TBX19: variants seen among roughly 807,000 people sequenced by gnomAD.
TBX19 encodes T-box transcription factor TBX19.
In TBX19, 33 loss-of-function variants were observed where a neutral mutation model predicts 40.9. The ratio of observed to expected loss-of-function variants is 0.81; its 90% confidence interval spans 0.61 to 1.08. TBX19 has a LOEUF of 1.08. Ranked by LOEUF, TBX19 falls within the 50% of genes least tolerant of loss-of-function variation. The pLI is 0.00. For synonymous variants in TBX19, 220 were observed against 225.0 expected, an observed-to-expected ratio of 0.98 and a Z score of 0.20; for missense variants, 494 against 574.0, an observed-to-expected ratio of 0.86 and a Z score of 1.42.
At chr1:168,304,597 G>T (rs1291558430) in intron 5 of TBX19, among the ~76,000 whole-genome samples, 2 of 152,174 alleles carry the variant, frequency 1.3e-5, no homozygotes, top group Non-Finnish European at 2.9e-5. Context: ...CTCCTAGCCT[G>T]GTAGTCTTTC....
chr1:168,305,239 G>A (rs377650138), intron 6 of TBX19, 43 bp downstream of exon 6: 1 of 1,595,032 alleles, frequency 6.3e-7, no homozygotes, highest in Non-Finnish European at 8.5e-7. Context: ...ATGGGCTGGG[G>A]TGGGGGCAGT....
chr1:168,284,559 G>A (rs1648755981), intron 1 of TBX19, among the ~76,000 whole-genome samples: 1 of 151,884 alleles, frequency 6.6e-6, no homozygotes, highest in African/African-American at 2.4e-5. Flanking sequence ...TTGATCACTT[G>A]AGCTCAGAAG....
Position 168,313,077 on chromosome 1 carries a change from A to G in TBX19, c.*75A>G, listed in dbSNP as rs1490886658. ...GCTTAGAAACCCCATCAACTGATCTAGTGAGTCAGACTGTGGAATCTCCCT... is the reference window on the plus strand; with the variant it reads ...GCTTAGAAACCCCATCAACTGATCTGGTGAGTCAGACTGTGGAATCTCCCT... On this transcript the variant is annotated 3_prime_UTR_variant, in exon 8 of 8. Coordinates refer to ENST00000367821, the MANE Select transcript of TBX19 (RefSeq NM_005149.3). 1 of 1,566,446 alleles carries G rather than the reference A, an allele frequency of 6.4e-7. No homozygotes were observed. Among genetic ancestry groups the G allele is most frequent in the Non-Finnish European group, 8.8e-7 (1 of 1,139,954 alleles).
chr1:168,299,552 T>C (rs1211406505), intron 4 of TBX19, among the ~76,000 whole-genome samples: 1 of 152,128 alleles, frequency 6.6e-6, no homozygotes, highest in East Asian at 1.9e-4. Context: ...TATAGCTCAT[T>C]GCAGCCTTAA....
At chr1:168,291,041 G>A in intron 1 of TBX19, 119 bp from the exon 2 acceptor site, 5 of 1,363,160 alleles carry the variant, frequency 3.7e-6, no homozygotes, top group Non-Finnish European at 4.2e-6. Flanking sequence ...CTTGGGCCCT[G>A]TTTATTTGGC....
chr1:168,304,322 A>G (rs891054862), intron 5 of TBX19, among the ~76,000 whole-genome samples: 2 of 152,042 alleles, frequency 1.3e-5, no homozygotes, highest in Admixed American at 1.3e-4. Flanking sequence ...TGGATCAGAG[A>G]TGAAATCACA....
At chr1:168,308,617 A>G (rs945651967) in intron 6 of TBX19, 125 bp from the exon 7 acceptor site, 90 of 1,205,522 alleles carry the variant, frequency 7.5e-5, no homozygotes, top group Non-Finnish European at 1.1e-4. Context: ...CTGAGAAAGA[A>G]CTAACAAACT....
chr1:168,304,880 G>T (rs1649361737), intron 5 of TBX19, 128 bp from the exon 6 acceptor site: 2 of 954,992 alleles, frequency 2.1e-6, no homozygotes, highest in Non-Finnish European at 3.3e-6. Context: ...ACACAGGCTG[G>T]CACCATCACA....
intron 1 of TBX19, among the ~76,000 whole-genome samples, chr1:168,281,935 AT>A (rs1648664730): frequency 6.6e-6 from 1 of 152,206 alleles, no homozygotes; most frequent in Non-Finnish European, 1.5e-5. Context: ...AGTGCAACAA[AT>A]TTAGGGATTA....
At chr1:168,283,837 G>A (rs973252487) in intron 1 of TBX19, among the ~76,000 whole-genome samples, 19 of 152,184 alleles carry the variant, frequency 1.2e-4, no homozygotes, top group South Asian at 4.1e-4. Context: ...ATCATTTGGG[G>A]TGGTAACTCC....
chr1:168,301,797 G>A (rs1331604066), intron 5 of TBX19, among the ~76,000 whole-genome samples: 1 of 152,176 alleles, frequency 6.6e-6, no homozygotes, highest in Non-Finnish European at 1.5e-5. Context: ...GTTATATATT[G>A]TTCTTTGTAT....
In TBX19 at chr1:168,309,143, CAGGTGGATCACCTG is replaced by C. The variant is rs1649470000; in HGVS notation, c.1052+271_1052+284del. On this transcript the variant is annotated intron_variant, in intron 7 of 7. Transcript: ENST00000367821. ...ATCCCAGCACTTTGGGAGGCCAAGG[CAGGTGGATCACCTG>C]AGGTCAGCAGTTCCAGACCAGCCTG... Among the ~76,000 whole-genome samples, 5 of 152,150 alleles carry C rather than the reference CAGGTGGATCACCTG, an allele frequency of 3.3e-5. No homozygotes were observed. In the South Asian group the frequency reaches 1.0e-3, roughly 32 times the overall value.
At chr1:168,285,294 CA>C (rs1558188876) in intron 1 of TBX19, among the ~76,000 whole-genome samples, 13 of 150,846 alleles carry the variant, frequency 8.6e-5, no homozygotes, top group South Asian at 2.1e-4. Context: ...CACACACACA[CA>C]CACACCCCTC....
intron 3 of TBX19, among the ~76,000 whole-genome samples, chr1:168,295,254 G>T (rs1649072468): frequency 6.6e-6 from 1 of 151,912 alleles, no homozygotes; most frequent in African/African-American, 2.4e-5. Flanking sequence ...TTGCGCCACT[G>T]CACTCCATCC....
intron 3 of TBX19, among the ~76,000 whole-genome samples, chr1:168,296,504 C>T (rs903245148): frequency 2.0e-5 from 3 of 152,132 alleles, no homozygotes; most frequent in Non-Finnish European, 4.4e-5. Context: ...ATAAAACCAT[C>T]AGATCTCGTG....
chr1:168,293,436 A>G (rs867638880), intron 3 of TBX19, among the ~76,000 whole-genome samples, 158 bp downstream of exon 3: 1 of 151,964 alleles, frequency 6.6e-6, no homozygotes, highest in Non-Finnish European at 1.5e-5. Flanking sequence ...TAAACAATGG[A>G]GTAGCTGCTC....
Position 168,312,646 on chromosome 1 carries a change from G to T in TBX19, c.1053-62G>T. On this transcript the variant is annotated intron_variant, in intron 7 of 7. Coordinates refer to ENST00000367821, the MANE Select transcript of TBX19 (RefSeq NM_005149.3). ...TCAGCACTGTGTACATGCTTGTCAGGTGGCACTCCTTCCTTGGAGTGCCAG... is the reference window on the plus strand; with the variant it reads ...TCAGCACTGTGTACATGCTTGTCAGTTGGCACTCCTTCCTTGGAGTGCCAG... 2.6e-6 allele frequency: 4 copies of T among 1,561,522 alleles called. 1 individual carries two copies. In the South Asian group the frequency reaches 4.4e-5, roughly 17 times the overall value.
chr1:168,296,259 T>A (rs1428925987), intron 3 of TBX19, among the ~76,000 whole-genome samples: 1 of 152,176 alleles, frequency 6.6e-6, no homozygotes, highest in Non-Finnish European at 1.5e-5. Context: ...TTCCTCTTTC[T>A]CCTGATTTCT....
chr1:168,287,477 T>A (rs922749496), intron 1 of TBX19, among the ~76,000 whole-genome samples: 3 of 152,196 alleles, frequency 2.0e-5, no homozygotes, highest in African/African-American at 7.2e-5. Context: ...GATTTTTTTT[T>A]TAATAGAGAT....
Sources: allele counts gnomAD v4.1 joint callset (sites outside exome capture counted in the v4.1 genomes callset), GRCh38; gene constraint gnomAD v4.1.1; transcripts MANE v1.5; gene names NCBI Gene and HGNC (gene_info 2026-07-23, HGNC 2026-07-21).